Variants in DCC observed in about 807,000 individuals in gnomAD.
DCC encodes netrin receptor DCC.
A neutral mutation model predicts 172.5 loss-of-function variants in DCC; 58 were observed. The ratio of observed to expected loss-of-function variants is 0.34; its 90% CI spans 0.27 to 0.42. The LOEUF is 0.42. Ranked by LOEUF, DCC falls within the 10% of genes least tolerant of loss-of-function variation. The pLI is 1.00. For synonymous variants in DCC, 709 were observed against 644.5 expected (o/e 1.10, Z -1.52); for missense variants, 1,740 against 1,791.0 (o/e 0.97, Z 0.51).
At chr18:53,360,291 G>A (rs923738459) in intron 15 of DCC, among the ~76,000 whole-genome samples, 6 of 152,118 alleles carry the variant, frequency 3.9e-5, no homozygotes, top group African/African-American at 1.4e-4. Flanking sequence ...ATAGAATAGA[G>A]TTGATTACTT....
At chr18:53,310,634 G>A (rs1228943626) in intron 13 of DCC, among the ~76,000 whole-genome samples, 1 of 152,038 alleles carries the variant, frequency 6.6e-6, no homozygotes, top group Non-Finnish European at 1.5e-5. Context: ...TTCAGGGAAG[G>A]TTGTTTGAAT....
At chr18:52,876,078 A>G (rs1467694646) in intron 2 of DCC, among the ~76,000 whole-genome samples, 1 of 152,134 alleles carries the variant, frequency 6.6e-6, no homozygotes, top group Admixed American at 6.6e-5. Context: ...TCTTTAGTGA[A>G]ACAACATTTA....
At chr18:52,912,794 A>T (rs113250687) in intron 3 of DCC, among the ~76,000 whole-genome samples, 1,685 of 152,056 alleles carry the variant, frequency 0.011, 23 homozygotes, top group African/African-American at 0.036. Context: ...ACTATAAAGG[A>T]TCTCATTTAT....
chr18:53,239,475 G>T (rs2056256563), intron 12 of DCC, among the ~76,000 whole-genome samples: 1 of 151,978 alleles, frequency 6.6e-6, no homozygotes, highest in Non-Finnish European at 1.5e-5. Context: ...GTCACAAAAG[G>T]CCAGGATGAG....
At chr18:53,125,562 G>A (rs72921406) in intron 7 of DCC, among the ~76,000 whole-genome samples, 14 of 152,050 alleles carry the variant, frequency 9.2e-5, no homozygotes, top group Non-Finnish European at 1.6e-4. Context: ...TTGATGTTTG[G>A]CTCAATATTG....
At chr18:52,616,720 A>G (rs991834867) in intron 1 of DCC, among the ~76,000 whole-genome samples, 10 of 152,194 alleles carry the variant, frequency 6.6e-5, no homozygotes, top group African/African-American at 2.4e-4. Context: ...AATTCAAAAT[A>G]CAAACAGATA....
chr18:52,907,642 C>A (rs925372783), intron 3 of DCC, among the ~76,000 whole-genome samples: 2 of 152,102 alleles, frequency 1.3e-5, no homozygotes, highest in South Asian at 2.1e-4. Flanking sequence ...TCTCAAACTC[C>A]TGGGCTCCAG....
At chr18:53,076,735 C>A (rs779361946) in intron 7 of DCC, among the ~76,000 whole-genome samples, 1 of 152,134 alleles carries the variant, frequency 6.6e-6, no homozygotes, top group Non-Finnish European at 1.5e-5. Flanking sequence ...GAATTTCTAA[C>A]CTTTTCAGAA....
intron 12 of DCC, among the ~76,000 whole-genome samples, chr18:53,253,657 T>C (rs1022829662): frequency 6.6e-6 from 1 of 152,070 alleles, no homozygotes; most frequent in African/African-American, 2.4e-5. Flanking sequence ...TTATGTCATA[T>C]TGTTTCTATT....
chr18:52,493,570 A>T (rs1409742197), intron 1 of DCC, among the ~76,000 whole-genome samples: 1 of 151,654 alleles, frequency 6.6e-6, no homozygotes, highest in Non-Finnish European at 1.5e-5. Context: ...CCTTAATGTT[A>T]TATTGGGGTT....
At chr18:53,290,095 T>C (rs1030503238) in intron 12 of DCC, among the ~76,000 whole-genome samples, 1 of 152,194 alleles carries the variant, frequency 6.6e-6, no homozygotes, top group Admixed American at 6.5e-5. Flanking sequence ...AATCCAGCAA[T>C]TCTATTGTCA....
intron 1 of DCC, among the ~76,000 whole-genome samples, chr18:52,351,413 A>G (rs1178372864): frequency 6.9e-6 from 1 of 145,034 alleles, no homozygotes; most frequent in African/African-American, 2.5e-5. Flanking sequence ...TGCAAACTAC[A>G]TAGGCCACCT....
At chr18:52,929,817 AACAC>A (rs34457182) in intron 5 of DCC, among the ~76,000 whole-genome samples, 27,163 of 144,422 alleles carry the variant, frequency 0.19, 2,384 homozygotes, top group Admixed American at 0.25. Context: ...GGACTTTGCA[AACAC>A]ACACACACAC....
chr18:52,875,182 A>T (rs2039384637), intron 2 of DCC, among the ~76,000 whole-genome samples: 1 of 152,052 alleles, frequency 6.6e-6, no homozygotes, highest in Admixed American at 6.6e-5. Context: ...GCTTTTCAGG[A>T]TGTCAAAACA....
At chr18:53,141,510 C>T (rs768285633) in intron 7 of DCC, among the ~76,000 whole-genome samples, 3 of 152,302 alleles carry the variant, frequency 2.0e-5, no homozygotes, top group Non-Finnish European at 4.4e-5. Flanking sequence ...GTAAAGGACA[C>T]ACTAAATTGT....
intron 1 of DCC, among the ~76,000 whole-genome samples, chr18:52,615,234 G>C (rs1817696111): frequency 6.6e-6 from 1 of 152,164 alleles, no homozygotes. Flanking sequence ...ATGACTGTCA[G>C]GTTCTGATCA....
intron 1 of DCC, among the ~76,000 whole-genome samples, chr18:52,711,259 C>G (rs997061064): frequency 6.6e-6 from 1 of 151,994 alleles, no homozygotes; most frequent in African/African-American, 2.4e-5. Flanking sequence ...TGGAATTTCA[C>G]TCTTGTTGCC....
intron 1 of DCC, among the ~76,000 whole-genome samples, chr18:52,696,540 C>T (rs1020292273): frequency 2.0e-5 from 3 of 152,222 alleles, no homozygotes; most frequent in Non-Finnish European, 2.9e-5. Context: ...TCTACAAACA[C>T]TTACTGAGCA....
rs1307464778 is a variant in DCC, at chr18:53,060,935, C to A, written c.986-2370C>A. Among the ~76,000 whole-genome samples, 3 of 151,718 alleles carry A rather than the reference C, an allele frequency of 2.0e-5. No homozygotes were observed. The South Asian group carries it at 6.2e-4, about 32-fold the overall frequency. On this transcript the variant is annotated intron_variant, in intron 5 of 28. Coordinates refer to ENST00000442544, the MANE Select transcript of DCC (RefSeq NM_005215.4). ...CTCTAATTGGAGAATAAGGAAATAACAAAATTGAAAAAAAGCAAGAGGCTA... is the reference window on the plus strand; with the variant it reads ...CTCTAATTGGAGAATAAGGAAATAAAAAAATTGAAAAAAAGCAAGAGGCTA...
Sources: allele counts gnomAD v4.1 joint callset (sites outside exome capture counted in the v4.1 genomes callset), GRCh38; gene constraint gnomAD v4.1.1; transcripts MANE v1.5; gene names NCBI Gene and HGNC (gene_info 2026-07-23, HGNC 2026-07-21).